The following HPSE2 variants were observed in gnomAD, a reference collection of about 807,000 sequenced individuals.
HPSE2 encodes the protein heparanase 2 (inactive), also known as inactive heparanase-2.
Under a neutral mutation model 60.5 loss-of-function variants are expected in HPSE2, and 38 were observed. The ratio of observed to expected loss-of-function variants is 0.63; its 90% CI spans 0.48 to 0.82. HPSE2 has a LOEUF of 0.82. Ranked by LOEUF, HPSE2 falls within the 40% of genes least tolerant of loss-of-function variation. The probability of loss-of-function intolerance (pLI) is 0.00; values close to 1 mark genes in which losing one functional copy is unlikely to be tolerated. For missense variants in HPSE2, 713 were observed against 740.4 expected, an observed-to-expected ratio of 0.96 and a Z score of 0.43; for synonymous variants, 295 against 293.2, an observed-to-expected ratio of 1.01 and a Z score of -0.06.
At chr10:98,945,755 C>T (rs1172795959) in intron 3 of HPSE2, among the ~76,000 whole-genome samples, 2 of 152,080 alleles carry the variant, frequency 1.3e-5, no homozygotes, top group Non-Finnish European at 2.9e-5. Flanking sequence ...CTATCTACTG[C>T]TTTCCTTATC....
intron 2 of HPSE2, among the ~76,000 whole-genome samples, chr10:99,164,283 G>C (rs1470407296): frequency 1.4e-5 from 1 of 73,820 alleles, no homozygotes; most frequent in African/African-American, 5.3e-5. Context: ...ATATATATAT[G>C]AACTTATGAA....
intron 2 of HPSE2, among the ~76,000 whole-genome samples, chr10:99,184,833 G>T (rs377487315): frequency 0.34 from 17,422 of 51,980 alleles, 5,433 homozygotes; most frequent in Non-Finnish European, 0.64. Context: ...GAGAGAGAGA[G>T]AGAGAGAGAG....
chr10:98,778,486 G>A (rs1041059627), intron 3 of HPSE2, among the ~76,000 whole-genome samples: 3 of 152,000 alleles, frequency 2.0e-5, no homozygotes, highest in African/African-American at 7.2e-5. Flanking sequence ...AGGGTCAGTG[G>A]GGCAAGTCAA....
At chr10:98,924,223 GTCTC>G (rs1302073694) in intron 3 of HPSE2, among the ~76,000 whole-genome samples, 1 of 152,010 alleles carries the variant, frequency 6.6e-6, no homozygotes, top group African/African-American at 2.4e-5. Flanking sequence ...AACACATGGA[GTCTC>G]TCTCTCTCTG....
intron 3 of HPSE2, among the ~76,000 whole-genome samples, chr10:98,874,669 G>C (rs1952824840): frequency 6.6e-6 from 1 of 152,022 alleles, no homozygotes; most frequent in African/African-American, 2.4e-5. Context: ...TGATGAGAGA[G>C]GGCGTCTTTG....
At chr10:98,644,732 G>A (rs1226523018) in intron 6 of HPSE2, among the ~76,000 whole-genome samples, 1 of 152,118 alleles carries the variant, frequency 6.6e-6, no homozygotes, top group Admixed American at 6.5e-5. Flanking sequence ...TCCTCTCAAT[G>A]GCTAGCATTA....
At chr10:99,055,373 A>G (rs1328456148) in intron 3 of HPSE2, among the ~76,000 whole-genome samples, 2 of 152,220 alleles carry the variant, frequency 1.3e-5, no homozygotes, top group Admixed American at 1.3e-4. Flanking sequence ...AGCAGGTTGT[A>G]GAAGAAAGAG....
rs374966889 is a variant in HPSE2, at chr10:98,522,255, C to CA, written c.1321-32060dup. ...TAAACAAAATAAACTCTTCAATATG[C>CA]AAAAAAAAAACAATAAAACAAAATA... On this transcript the variant is annotated intron_variant, in intron 9 of 11. Coordinates refer to ENST00000370552, the MANE Select transcript of HPSE2 (RefSeq NM_021828.5). Among the ~76,000 whole-genome samples the CA allele has an allele frequency of 2.7e-3, 361 of 136,036 alleles. 2 individuals are homozygous for CA. Among genetic ancestry groups the CA allele is most frequent in the African/African-American group, 6.6e-3 (248 of 37,376 alleles). The allele number at this position is 136,036 out of a possible 152,430, so 89.2% of individuals were successfully genotyped here.
chr10:98,846,705 A>G (rs1952043212), intron 3 of HPSE2, among the ~76,000 whole-genome samples: 1 of 152,218 alleles, frequency 6.6e-6, no homozygotes, highest in Non-Finnish European at 1.5e-5. Flanking sequence ...AATGAGCTTT[A>G]CTAAGACAGC....
chr10:99,315,473 A>T, the HPSE2 span, among the ~76,000 whole-genome samples: 1 of 152,186 alleles, frequency 6.6e-6, no homozygotes, highest in Non-Finnish European at 1.5e-5. Context: ...TTAACAATGG[A>T]AGGAAGAAGG....
At chr10:99,108,211 A>C (rs1844321831) in intron 3 of HPSE2, among the ~76,000 whole-genome samples, 1 of 152,196 alleles carries the variant, frequency 6.6e-6, no homozygotes, top group Non-Finnish European at 1.5e-5. Flanking sequence ...GTAACTAGGC[A>C]GTTGGAAAAG....
chr10:98,600,911 G>A (rs373713032), intron 9 of HPSE2, among the ~76,000 whole-genome samples: 1,209 of 73,666 alleles, frequency 0.016, 30 homozygotes, highest in African/African-American at 0.04. Flanking sequence ...ATGTGTGTGT[G>A]TATATATATA....
chr10:99,062,057 C>T (rs769765085), intron 3 of HPSE2, among the ~76,000 whole-genome samples: 1 of 152,118 alleles, frequency 6.6e-6, no homozygotes, highest in Non-Finnish European at 1.5e-5. Flanking sequence ...CTTCCAAAAT[C>T]GCTATCAAGA....
intron 3 of HPSE2, among the ~76,000 whole-genome samples, chr10:98,823,707 A>G (rs1589888912): frequency 1.3e-5 from 2 of 152,324 alleles, no homozygotes; most frequent in East Asian, 3.9e-4. Flanking sequence ...CTAAATTTTC[A>G]TGTCCATAAA....
intron 3 of HPSE2, among the ~76,000 whole-genome samples, chr10:98,911,260 G>A (rs1302882337): frequency 6.6e-6 from 1 of 152,194 alleles, no homozygotes; most frequent in Non-Finnish European, 1.5e-5. Context: ...TTTGTTAGGA[G>A]CTGCAGGAGA....
intron 5 of HPSE2, among the ~76,000 whole-genome samples, chr10:98,712,775 A>G (rs976619589): frequency 6.6e-6 from 1 of 152,064 alleles, no homozygotes; most frequent in African/African-American, 2.4e-5. Context: ...ATTCTAACAC[A>G]GGTTCAGGTT....
At chr10:98,748,364 CA>C (rs1352687832) in intron 3 of HPSE2, among the ~76,000 whole-genome samples, 1 of 152,120 alleles carries the variant, frequency 6.6e-6, no homozygotes, top group African/African-American at 2.4e-5. Flanking sequence ...TAGAAAAGTA[CA>C]TATATTTGAA....
chr10:98,564,302 C>G (rs1262467071), intron 9 of HPSE2, among the ~76,000 whole-genome samples: 3 of 152,174 alleles, frequency 2.0e-5, no homozygotes, highest in Non-Finnish European at 4.4e-5. Context: ...GAGCAAGTTC[C>G]TTTACTCTCT....
chr10:98,823,140 T>C (rs756780486), intron 3 of HPSE2, among the ~76,000 whole-genome samples: 26 of 152,314 alleles, frequency 1.7e-4, no homozygotes, highest in Non-Finnish European at 3.5e-4. Context: ...GGCAGCCTCC[T>C]GAATCTGAAA....
Sources: gnomAD v4.1 joint callset for allele counts (sites outside exome capture counted in the v4.1 genomes callset) on GRCh38, gnomAD v4.1.1 for gene constraint, MANE v1.5 for transcripts, NCBI Gene and HGNC (gene_info 2026-07-23, HGNC 2026-07-21) for gene names.